The following SYN3 variants were observed in gnomAD, a reference collection of about 807,000 sequenced individuals.
The protein encoded by SYN3 is synapsin III.
In SYN3, 35 loss-of-function variants were observed where a neutral mutation model predicts 65.8. That is an observed-to-expected ratio of 0.53 (90% CI 0.41 to 0.70). SYN3 has a LOEUF of 0.70. Among genes scored for constraint, SYN3 ranks in the 30% least tolerant of loss-of-function variants. The pLI, the probability that SYN3 is intolerant of heterozygous loss-of-function variation, is 0.00. For missense variants in SYN3, 680 were observed against 749.0 expected, an observed-to-expected ratio of 0.91 and a Z score of 1.08; for synonymous variants, 270 against 292.9, an observed-to-expected ratio of 0.92 and a Z score of 0.80.
At chr22:32,995,540 A>T (rs2145740778) in intron 2 of SYN3, among the ~76,000 whole-genome samples, 1 of 152,170 alleles carries the variant, frequency 6.6e-6, no homozygotes, top group Non-Finnish European at 1.5e-5. Context: ...TCCTTCCTCC[A>T]CGTGGCACAG....
At chr22:32,774,552 A>G (rs1602115281) in intron 6 of SYN3, among the ~76,000 whole-genome samples, 1 of 151,740 alleles carries the variant, frequency 6.6e-6, no homozygotes, top group African/African-American at 2.4e-5. Context: ...AGTTTTCAGG[A>G]GCCTCAAATA....
intron 6 of SYN3, among the ~76,000 whole-genome samples, chr22:32,617,702 G>A (rs1223811820): frequency 3.3e-5 from 5 of 151,940 alleles, no homozygotes; most frequent in Non-Finnish European, 5.9e-5. Flanking sequence ...TTTTAGTAGG[G>A]GAATGACACC....
At chr22:32,569,575 A>C (rs199719331) in intron 7 of SYN3, among the ~76,000 whole-genome samples, 113 of 88,908 alleles carry the variant, frequency 1.3e-3, no homozygotes, top group Admixed American at 4.6e-3. Context: ...CTCTCTCTAT[A>C]TATATATATA....
chr22:32,718,287 A>T (rs1279097343), intron 6 of SYN3, among the ~76,000 whole-genome samples: 2 of 152,046 alleles, frequency 1.3e-5, no homozygotes, highest in Non-Finnish European at 2.9e-5. Flanking sequence ...GAATCACCCC[A>T]GATTCTGCTC....
At chr22:32,821,523 A>G (rs2047245995) in intron 6 of SYN3, among the ~76,000 whole-genome samples, 1 of 152,220 alleles carries the variant, frequency 6.6e-6, no homozygotes, top group South Asian at 2.1e-4. Flanking sequence ...GACCTGGTTA[A>G]CAGACAGGGA....
intron 6 of SYN3, 90 bp downstream of exon 6, chr22:32,864,825 G>C (rs1205022658): frequency 8.2e-7 from 1 of 1,219,314 alleles, no homozygotes. Context: ...AACCCCTAGA[G>C]TCCACCTCCT....
intron 6 of SYN3, among the ~76,000 whole-genome samples, chr22:32,864,029 A>G (rs576058158): frequency 6.6e-6 from 1 of 152,240 alleles, no homozygotes; most frequent in East Asian, 1.9e-4. Flanking sequence ...GCTTGGTTAG[A>G]GTGATTACTC....
intron 6 of SYN3, among the ~76,000 whole-genome samples, chr22:32,778,891 T>C (rs1466527055): frequency 6.6e-6 from 1 of 152,214 alleles, no homozygotes; most frequent in African/African-American, 2.4e-5. Flanking sequence ...TAAATGAATA[T>C]ACCATTGTAT....
chr22:32,573,224 A>T (rs1411388094), intron 7 of SYN3, among the ~76,000 whole-genome samples: 1 of 152,210 alleles, frequency 6.6e-6, no homozygotes, highest in East Asian at 1.9e-4. Flanking sequence ...CATGTTGCAC[A>T]AATGGCTTGA....
At chr22:32,760,650 G>A (rs1299689672) in intron 6 of SYN3, among the ~76,000 whole-genome samples, 1 of 152,124 alleles carries the variant, frequency 6.6e-6, no homozygotes, top group Non-Finnish European at 1.5e-5. Flanking sequence ...CAGTGCCCAG[G>A]CTTCTGAAAT....
chr22:32,547,910 G>GGAAT (rs1344753228), intron 7 of SYN3, among the ~76,000 whole-genome samples: 1 of 152,200 alleles, frequency 6.6e-6, no homozygotes, highest in African/African-American at 2.4e-5. Context: ...TATCACACCA[G>GGAAT]GAATGAATGA....
At chr22:32,632,866 G>A (rs747780316) in intron 6 of SYN3, among the ~76,000 whole-genome samples, 3 of 152,196 alleles carry the variant, frequency 2.0e-5, no homozygotes, top group Admixed American at 6.5e-5. Flanking sequence ...CCCGGGGACC[G>A]CCGTGGATGT....
intron 7 of SYN3, among the ~76,000 whole-genome samples, chr22:32,578,172 TTTTCTTTCTTTCTC>T (rs1282782634): frequency 2.8e-4 from 41 of 148,546 alleles, no homozygotes; most frequent in East Asian, 1.5e-3. Context: ...TTTCCTTTTC[TTTTCTTTCTTTCTC>T]TTTCTTTCTT....
At chr22:33,022,357 G>C (rs113082785) in intron 1 of SYN3, among the ~76,000 whole-genome samples, 2 of 152,234 alleles carry the variant, frequency 1.3e-5, no homozygotes, top group African/African-American at 4.8e-5. Context: ...TGTCACTCCA[G>C]CTGCAAAGCT....
chr22:32,953,345 C>A (rs993956340), intron 3 of SYN3, among the ~76,000 whole-genome samples: 51 of 152,138 alleles, frequency 3.4e-4, no homozygotes, highest in African/African-American at 1.2e-3. Context: ...CCTGTCCTCA[C>A]CTTATATTCT....
At chr22:32,893,520 A>C (rs1459666973) in intron 4 of SYN3, among the ~76,000 whole-genome samples, 1 of 152,164 alleles carries the variant, frequency 6.6e-6, no homozygotes, top group Non-Finnish European at 1.5e-5. Context: ...AAAAATCAGT[A>C]GAGTTTGGCA....
chr22:32,844,868 G>A (rs137964248), intron 6 of SYN3, among the ~76,000 whole-genome samples: 9 of 151,950 alleles, frequency 5.9e-5, no homozygotes, highest in Non-Finnish European at 1.0e-4. Context: ...ACGGCACCAT[G>A]CCTGGCTAAT....
At chr22:32,962,576 T>G (rs2051689746) in intron 3 of SYN3, among the ~76,000 whole-genome samples, 2 of 152,186 alleles carry the variant, frequency 1.3e-5, no homozygotes, top group Admixed American at 6.5e-5. Flanking sequence ...GCGAGTTAGC[T>G]GTGGGAGTGA....
At chr22:32,717,057 C>T (rs2061048986) in intron 6 of SYN3, among the ~76,000 whole-genome samples, 1 of 152,154 alleles carries the variant, frequency 6.6e-6, no homozygotes, top group Non-Finnish European at 1.5e-5. Flanking sequence ...GGGTCCTAGG[C>T]AGTCTTCTAA....
Sources: gnomAD v4.1 joint callset for allele counts (sites outside exome capture counted in the v4.1 genomes callset) on GRCh38, gnomAD v4.1.1 for gene constraint, MANE v1.5 for transcripts, NCBI Gene and HGNC (gene_info 2026-07-23, HGNC 2026-07-21) for gene names.